SH3RF2: variants seen among roughly 807,000 people sequenced by gnomAD.
SH3RF2 encodes E3 ubiquitin-protein ligase SH3RF2.
SH3RF2 carries 43 observed loss-of-function variants against 59.0 expected under a neutral mutation model. That is an observed-to-expected ratio of 0.73 (90% CI 0.57 to 0.94). The LOEUF (loss-of-function observed/expected upper bound fraction) is 0.94. Among genes scored for constraint, SH3RF2 ranks in the 40% least tolerant of loss-of-function variants. SH3RF2 has a pLI of 0.00. For missense variants in SH3RF2, 930 were observed against 940.1 expected, an observed-to-expected ratio of 0.99 and a Z score of 0.14; for synonymous variants, 391 against 391.5, an observed-to-expected ratio of 1.00 and a Z score of 0.01.
Position 145,937,842 on chromosome 5 carries a change from C to T in SH3RF2, c.-87C>T. 1.3e-6 allele frequency: 2 copies of T among 1,493,166 alleles called. No individual in the cohort carries two copies. Among genetic ancestry groups the T allele is most frequent in the Non-Finnish European group, 1.8e-6 (2 of 1,119,160 alleles). The allele number at this position is 1,493,166 out of a possible 1,614,324, so 92.5% of individuals were successfully genotyped here. On this transcript the variant is annotated 5_prime_UTR_variant, in exon 2 of 10. Coordinates refer to ENST00000359120, the MANE Select transcript of SH3RF2 (RefSeq NM_152550.4). ...AAGCAGGCAAAAATTCTGACGTTCT[C>T]AAGAGACCAGCTCTGCCCCCGTGGC... is the stretch of plus-strand genomic sequence containing the variant.
At chr5:146,064,857 AAAGAAAG>A (rs1359642462), downstream of SH3RF2, among the ~76,000 whole-genome samples, 3 of 24,404 alleles carry the variant, frequency 1.2e-4, no homozygotes, top group Non-Finnish European at 5.5e-4. Context: ...AGAAAGAAAG[AAAGAAAG>A]AGAAAGAAAA....
At chr5:146,036,378 A>G (rs1310893596) in intron 5 of SH3RF2, among the ~76,000 whole-genome samples, 1 of 152,056 alleles carries the variant, frequency 6.6e-6, no homozygotes, top group African/African-American at 2.4e-5. Flanking sequence ...ATAGTGAGAC[A>G]TTGTCTCTAC....
chr5:146,063,662 C>T (rs1210139527), downstream of SH3RF2, among the ~76,000 whole-genome samples: 1 of 152,144 alleles, frequency 6.6e-6, no homozygotes, highest in Non-Finnish European at 1.5e-5. Context: ...GAGTTTGAGA[C>T]CAGCCTGGCC....
Position 146,000,214 on chromosome 5 carries a change from G to A in SH3RF2, c.535G>A (p.Val179Met), listed in dbSNP as rs1323288656. ...CAGCGGGAACTTCCCAGCCAGCTCC[G>A]TGGAAGTCATCAAGCAGCTGCCCCA... The part of the protein sequence containing the change: ...GISGNFPASS[V>M]EVIKQLPQPP... The change falls in exon 3 of 10, where the codon GTG becomes ATG. Residue 179 changes from valine (V) to methionine (M), a missense_variant. Physicochemically the swap from Val to Met is conservative, Grantham distance 21 (BLOSUM62 1). Coordinates refer to ENST00000359120, the MANE Select transcript of SH3RF2 (RefSeq NM_152550.4). 19 of 1,613,478 alleles carry A rather than the reference G, an allele frequency of 1.2e-5. No homozygotes were observed. The highest frequency in any genetic ancestry group is 6.6e-5 in the South Asian group (6 of 90,970).
In SH3RF2 at chr5:146,060,202, A is replaced by C; in HGVS notation, c.1892A>C (p.Asn631Thr). The C allele has an allele frequency of 6.2e-7, 1 of 1,609,778 alleles. No individual in the cohort carries two copies. Among genetic ancestry groups the C allele is most frequent in the Non-Finnish European group, 8.5e-7 (1 of 1,177,838 alleles). Reference protein sequence around the residue: ...APPSILVKPENSRNGIEKQVK... With the variant: ...APPSILVKPETSRNGIEKQVK... ...CCATCCATCCTGGTGAAACCAGAAA[A>C]CTCAAGAAATGGCATCGAAAAGGTA... The change falls in exon 9 of 10, where the codon AAC (asparagine) becomes ACC (threonine). Residue 631 changes from asparagine to threonine, a missense_variant. Transcript: ENST00000359120.
In SH3RF2 at chr5:145,941,538, G is replaced by A. The variant is rs565056348; in HGVS notation, c.378+3232G>A. Reference sequence around the variant, plus strand: ...CCTTCCCTAATACAGTTAAAGCAAAGGAACTTGGCAAGCCTTCAAAAGGAT... The same window carrying A: ...CCTTCCCTAATACAGTTAAAGCAAAAGAACTTGGCAAGCCTTCAAAAGGAT... On this transcript the variant is annotated intron_variant, in intron 2 of 9. Transcript: ENST00000359120. Among the ~76,000 whole-genome samples, 34 of 152,304 alleles carry A rather than the reference G, an allele frequency of 2.2e-4. 1 individual carries two copies. The South Asian group carries it at 6.8e-3, about 31-fold the overall frequency.
At chr5:146,064,762 G>A (rs1561773581), downstream of SH3RF2, among the ~76,000 whole-genome samples, 41 of 4,936 alleles carry the variant, frequency 8.3e-3, 1 homozygote, top group Admixed American at 0.011. Context: ...AAGGAAGGAA[G>A]GAAGGAAGGA....
chr5:145,996,192 G>A (rs886343711), intron 2 of SH3RF2, among the ~76,000 whole-genome samples: 3 of 152,120 alleles, frequency 2.0e-5, no homozygotes, highest in African/African-American at 4.8e-5. Flanking sequence ...AATGATCATT[G>A]CGGATTCAGG....
chr5:146,049,861 C>T (rs1050857552), intron 7 of SH3RF2, among the ~76,000 whole-genome samples: 2 of 152,096 alleles, frequency 1.3e-5, no homozygotes, highest in Non-Finnish European at 2.9e-5. Flanking sequence ...GTCTTACCAC[C>T]TCATACCACT....
chr5:145,942,251 T>G (rs1434497614), intron 2 of SH3RF2, among the ~76,000 whole-genome samples: 2 of 152,242 alleles, frequency 1.3e-5, no homozygotes, highest in East Asian at 3.8e-4. Flanking sequence ...TTTTTATCTT[T>G]CGTTTTTTCC....
At chr5:145,987,723 G>A (rs759731890) in intron 2 of SH3RF2, among the ~76,000 whole-genome samples, 13 of 145,936 alleles carry the variant, frequency 8.9e-5, no homozygotes, top group Admixed American at 3.3e-4. Context: ...TAGCATGGTC[G>A]GCACTCAAAA....
intron 7 of SH3RF2, among the ~76,000 whole-genome samples, chr5:146,053,697 C>T (rs1471647921): frequency 6.6e-6 from 1 of 152,156 alleles, no homozygotes; most frequent in African/African-American, 2.4e-5. Flanking sequence ...TCTTCCTGTC[C>T]TCCTAATAAA....
At chr5:146,067,467 G>A (rs1329601662), downstream of SH3RF2, among the ~76,000 whole-genome samples, 2 of 152,140 alleles carry the variant, frequency 1.3e-5, no homozygotes, top group East Asian at 1.9e-4. Context: ...CTAGAAAGTC[G>A]CAGCCGAATA....
At chr5:146,004,961 G>A (rs2215009) in intron 4 of SH3RF2, among the ~76,000 whole-genome samples, 106,482 of 151,912 alleles carry the variant, frequency 0.7, 39,104 homozygotes, top group African/African-American at 0.93. Flanking sequence ...GTTGGACCAT[G>A]TGGAACTAGC....
downstream of SH3RF2, among the ~76,000 whole-genome samples, chr5:146,063,538 G>C (rs1207246823): frequency 6.6e-6 from 1 of 152,118 alleles, no homozygotes; most frequent in Non-Finnish European, 1.5e-5. Flanking sequence ...ATGGGGTTAG[G>C]GTTTAGATAT....
chr5:146,060,320 C>T (rs1349799900), intron 9 of SH3RF2, 96 bp downstream of exon 9: 1 of 1,200,796 alleles, frequency 8.3e-7, no homozygotes, highest in Non-Finnish European at 1.2e-6. Context: ...AACAAGGAAC[C>T]AAAATTGCAG....
At position 146,013,864 on chromosome 5, in the gene SH3RF2, G is replaced by A; in HGVS notation, c.862G>A (p.Gly288Ser). 6.2e-7 allele frequency: 1 copy of A among 1,614,080 alleles called. No homozygotes were observed. Among genetic ancestry groups the A allele is most frequent in the Non-Finnish European group, 8.5e-7 (1 of 1,180,012 alleles). The change falls in exon 5 of 10, where the codon GGC becomes AGC. Residue 288 changes from glycine to serine, a missense_variant. By Grantham distance (56) the Gly-to-Ser change is moderately conservative (BLOSUM62 0). Coordinates refer to ENST00000359120, the MANE Select transcript of SH3RF2 (RefSeq NM_152550.4). ...SRGNTSTLRR[G>S]PGSRRKVPGQ... Reference sequence around the variant, plus strand: ...AGGCAACACGTCTACCCTCCGTAGGGGCCCAGGGTCCAGGAGGAAGGTGCC... The same window carrying A: ...AGGCAACACGTCTACCCTCCGTAGGAGCCCAGGGTCCAGGAGGAAGGTGCC...
At chr5:146,007,267 A>G (rs1190838305) in intron 4 of SH3RF2, among the ~76,000 whole-genome samples, 1 of 152,214 alleles carries the variant, frequency 6.6e-6, no homozygotes, top group African/African-American at 2.4e-5. Context: ...AGGCCTCTGC[A>G]TTGCCCAGTT....
chr5:146,070,975 G>A (rs1419995672), intron 9 of SH3RF2, among the ~76,000 whole-genome samples: 2 of 152,166 alleles, frequency 1.3e-5, no homozygotes, highest in African/African-American at 4.8e-5. Flanking sequence ...TAGCATGACC[G>A]ACCGACTTAA....
Sources: allele counts gnomAD v4.1 joint callset (sites outside exome capture counted in the v4.1 genomes callset), GRCh38; gene constraint gnomAD v4.1.1; transcripts MANE v1.5; gene names NCBI Gene and HGNC (gene_info 2026-07-23, HGNC 2026-07-21).